MARK3: variants seen among roughly 807,000 people sequenced by gnomAD.
MARK3 encodes microtubule affinity regulating kinase 3, also known as MAP/microtubule affinity-regulating kinase 3.
A neutral mutation model predicts 90.1 loss-of-function variants in MARK3; 46 were observed. The observed-to-expected ratio is 0.51, with a 90% CI of 0.40 to 0.65. MARK3 has a LOEUF of 0.65. Ranked by LOEUF, MARK3 falls within the 30% of genes least tolerant of loss-of-function variation. The pLI, the probability that MARK3 is intolerant of heterozygous loss-of-function variation, is 0.00. For synonymous variants in MARK3, 321 were observed against 332.6 expected (o/e 0.97, Z 0.38); for missense variants, 818 against 947.2 (o/e 0.86, Z 1.79).
chr14:103,389,875 C>T (rs1212209984), intron 1 of MARK3, among the ~76,000 whole-genome samples: 3 of 133,026 alleles, frequency 2.3e-5, no homozygotes, highest in Non-Finnish European at 3.1e-5. Flanking sequence ...ACCCTGGAGA[C>T]GGAGAGTGCA....
Position 103,413,015 on chromosome 14 carries a change from C to T in MARK3, c.243+7748C>T, listed in dbSNP as rs1019190165. Reference sequence around the variant, plus strand: ...TCAGCCTCCCGAGTAGCTGGGATTACAGGCATGCACCACCATGCCCGGCTA... The same window carrying T: ...TCAGCCTCCCGAGTAGCTGGGATTATAGGCATGCACCACCATGCCCGGCTA... On this transcript the variant is annotated intron_variant, in intron 2 of 17. Transcript: ENST00000429436. Among the ~76,000 whole-genome samples the T allele has an allele frequency of 2.6e-5, 4 of 152,008 alleles. No homozygotes were observed. The East Asian group carries it at 7.7e-4, about 29-fold the overall frequency.
intron 3 of MARK3, among the ~76,000 whole-genome samples, chr14:103,433,548 G>T (rs532364287): frequency 6.6e-6 from 1 of 152,132 alleles, no homozygotes; most frequent in African/African-American, 2.4e-5. Flanking sequence ...ACAAAAATTA[G>T]TTGGGCGTGG....
intron 14 of MARK3, among the ~76,000 whole-genome samples, chr14:103,484,280 C>A (rs1343444922): frequency 2.0e-5 from 3 of 151,830 alleles, no homozygotes; most frequent in Non-Finnish European, 4.4e-5. Context: ...CGGGTTCATG[C>A]AGTTCTTCTG....
Position 103,477,359 on chromosome 14 carries a change from G to C in MARK3, c.1482+2149G>C, listed in dbSNP as rs1045736932. On this transcript the variant is annotated intron_variant, in intron 13 of 17. Coordinates refer to ENST00000429436, the MANE Select transcript of MARK3 (RefSeq NM_001128918.3). Reference sequence around the variant, plus strand: ...ATACAAAAATTAGCCGGGTATAGTGGCGTGCTCCTGTAATCCTAGCTATTC... The same window carrying C: ...ATACAAAAATTAGCCGGGTATAGTGCCGTGCTCCTGTAATCCTAGCTATTC... 1.1e-4 allele frequency among the ~76,000 whole-genome samples: 16 copies of C among 152,174 alleles called. No homozygotes were observed. The East Asian group carries it at 3.1e-3, about 29-fold the overall frequency.
At chr14:103,402,278 C>A (rs2091007681) in intron 1 of MARK3, among the ~76,000 whole-genome samples, 1 of 152,038 alleles carries the variant, frequency 6.6e-6, no homozygotes, top group Non-Finnish European at 1.5e-5. Context: ...CCTGGCCGAG[C>A]GCGGTGGCTC....
chr14:103,425,507 C>CCTGAGGAT (rs2092374702), intron 2 of MARK3, among the ~76,000 whole-genome samples: 2 of 151,886 alleles, frequency 1.3e-5, no homozygotes, highest in Non-Finnish European at 2.9e-5. Flanking sequence ...AGGTGATCCA[C>CCTGAGGAT]CCACCTCCCA....
At chr14:103,429,818 A>G (rs1157916279) in intron 3 of MARK3, among the ~76,000 whole-genome samples, 1 of 151,978 alleles carries the variant, frequency 6.6e-6, no homozygotes, top group Non-Finnish European at 1.5e-5. Flanking sequence ...TTTAATGAGG[A>G]CTCTAATTGA....
chr14:103,388,960 C>T (rs1180908647), intron 1 of MARK3, among the ~76,000 whole-genome samples: 2 of 152,090 alleles, frequency 1.3e-5, no homozygotes, highest in Non-Finnish European at 2.9e-5. Context: ...GAACAGTTTT[C>T]TTTTAGTATT....
chr14:103,391,096 T>G (rs1019453467), intron 1 of MARK3, among the ~76,000 whole-genome samples: 5 of 152,174 alleles, frequency 3.3e-5, no homozygotes, highest in Admixed American at 6.6e-5. Context: ...ACAGGGTGAT[T>G]TTGCCCTCTA....
At chr14:103,411,855 C>T (rs1318502160) in intron 2 of MARK3, among the ~76,000 whole-genome samples, 1 of 151,490 alleles carries the variant, frequency 6.6e-6, no homozygotes, top group African/African-American at 2.4e-5. Flanking sequence ...TCTCTTGAAC[C>T]CATGAACTGC....
intron 17 of MARK3, among the ~76,000 whole-genome samples, 162 bp downstream of exon 17, chr14:103,500,362 C>G (rs543825110): frequency 1.3e-5 from 2 of 152,196 alleles, no homozygotes; most frequent in African/African-American, 4.8e-5. Flanking sequence ...CCATGAGCAC[C>G]GTCCAGATCC....
intron 12 of MARK3, among the ~76,000 whole-genome samples, chr14:103,468,813 A>AGATG (rs1595827397): frequency 2.2e-5 from 3 of 138,516 alleles, no homozygotes; most frequent in Admixed American, 7.4e-5. Flanking sequence ...TTTTAAATGG[A>AGATG]GATGGGGGTC....
intron 2 of MARK3, among the ~76,000 whole-genome samples, chr14:103,406,388 CTAAT>C (rs1335160191): frequency 1.7e-5 from 2 of 118,422 alleles, no homozygotes; most frequent in African/African-American, 5.9e-5. Context: ...CCACGCCTGG[CTAAT>C]TATTTTTTTT....
At chr14:103,470,896 A>G (rs928082317) in intron 12 of MARK3, among the ~76,000 whole-genome samples, 5 of 152,064 alleles carry the variant, frequency 3.3e-5, no homozygotes, top group Non-Finnish European at 7.4e-5. Context: ...CTTGATTTCC[A>G]TTTCTCTTCC....
chr14:103,475,656 C>T (rs2141769931), intron 13 of MARK3, among the ~76,000 whole-genome samples: 1 of 152,256 alleles, frequency 6.6e-6, no homozygotes, highest in East Asian at 1.9e-4. Flanking sequence ...TTCTATAAAA[C>T]ACTAATCTGG....
At chr14:103,427,545 G>T (rs1456335445) in intron 2 of MARK3, among the ~76,000 whole-genome samples, 1 of 148,078 alleles carries the variant, frequency 6.8e-6, no homozygotes, top group Admixed American at 6.8e-5. Context: ...CATAGACAGA[G>T]CAGCAGTATC....
At chr14:103,405,016 G>A in intron 1 of MARK3, 60 bp from the exon 2 acceptor site, 1 of 1,368,000 alleles carries the variant, frequency 7.3e-7, no homozygotes, top group Non-Finnish European at 1.0e-6. Context: ...GAAGCTCTTA[G>A]AACTTGGCAA....
intron 12 of MARK3, 78 bp from the exon 13 acceptor site, chr14:103,474,915 T>G (rs1244785220): frequency 8.6e-7 from 1 of 1,167,088 alleles, no homozygotes; most frequent in African/African-American, 1.5e-5. Flanking sequence ...TTAGATCATC[T>G]TACAAAATAT....
At chr14:103,428,337 C>T (rs1204948515) in intron 2 of MARK3, 50 bp from the exon 3 acceptor site, 1 of 1,001,480 alleles carries the variant, frequency 1.0e-6, no homozygotes, top group Admixed American at 2.8e-5. Context: ...ATTTATCAGT[C>T]CATAATTACT....
Sources: gnomAD v4.1 joint callset for allele counts (sites outside exome capture counted in the v4.1 genomes callset) on GRCh38, gnomAD v4.1.1 for gene constraint, MANE v1.5 for transcripts, NCBI Gene and HGNC (gene_info 2026-07-23, HGNC 2026-07-21) for gene names.